CPEB4: variants seen among roughly 807,000 people sequenced by gnomAD.
The protein encoded by CPEB4 is cytoplasmic polyadenylation element-binding protein 4.
CPEB4 carries 12 observed loss-of-function variants against 72.5 expected under a neutral mutation model. That is an observed-to-expected ratio of 0.17 (90% CI 0.11 to 0.27). CPEB4 has a LOEUF of 0.27. Among genes scored for constraint, CPEB4 ranks in the 10% least tolerant of loss-of-function variants. The pLI, the probability that CPEB4 is intolerant of heterozygous loss-of-function variation, is 1.00. For missense variants in CPEB4, 614 were observed against 908.5 expected, an observed-to-expected ratio of 0.68 and a Z score of 4.17; for synonymous variants, 302 against 326.3, an observed-to-expected ratio of 0.93 and a Z score of 0.80.
intron 3 of CPEB4, among the ~76,000 whole-genome samples, chr5:173,935,328 T>C (rs1021892756): frequency 1.3e-5 from 2 of 152,194 alleles, no homozygotes; most frequent in African/African-American, 4.8e-5. Flanking sequence ...ATTCCCTTCA[T>C]GTCTTGTGTC....
intron 2 of CPEB4, among the ~76,000 whole-genome samples, chr5:173,911,194 A>G (rs1756643542): frequency 6.6e-6 from 1 of 152,022 alleles, no homozygotes; most frequent in Non-Finnish European, 1.5e-5. Flanking sequence ...CTTTATAAAG[A>G]CGTAGAATTA....
At chr5:173,929,369 G>A (rs1177111274) in intron 2 of CPEB4, among the ~76,000 whole-genome samples, 2 of 152,176 alleles carry the variant, frequency 1.3e-5, no homozygotes, top group East Asian at 3.8e-4. Context: ...AAACCAGCCT[G>A]TTTAGTAATT....
chr5:173,896,903 A>G (rs1186114210), intron 1 of CPEB4, among the ~76,000 whole-genome samples: 1 of 152,208 alleles, frequency 6.6e-6, no homozygotes, highest in East Asian at 1.9e-4. Context: ...TCTAGAAAAA[A>G]TACAAAACAC....
Position 173,958,565 on chromosome 5 carries a change from T to C in CPEB4, c.*2428T>C, listed in dbSNP as rs770092074. 6 of 152,820 alleles carry C rather than the reference T, an allele frequency of 3.9e-5. No individual in the cohort carries two copies. Among genetic ancestry groups the C allele is most frequent in the Non-Finnish European group, 7.4e-5 (5 of 68,010 alleles). The allele number at this position is 152,820 out of a possible 1,614,324, so 9.5% of individuals were successfully genotyped here. ...TAGAGTCTGCAGAGAAGAGAAAGCA[T>C]GTTGCTTAAACATCCTTCCCCAGCA... On this transcript the variant is annotated 3_prime_UTR_variant, in exon 10 of 10. Transcript: ENST00000265085.
chr5:173,895,070 C>T (rs1755955867), intron 1 of CPEB4, among the ~76,000 whole-genome samples: 1 of 152,106 alleles, frequency 6.6e-6, no homozygotes, highest in Non-Finnish European at 1.5e-5. Flanking sequence ...ATTTCACTTC[C>T]TATGTGGGAT....
At chr5:173,954,022 T>C (rs1032733780) in intron 9 of CPEB4, among the ~76,000 whole-genome samples, 1 of 152,132 alleles carries the variant, frequency 6.6e-6, no homozygotes, top group Admixed American at 6.6e-5. Flanking sequence ...TTTTTTTTCA[T>C]AGAAAGCCTT....
chr5:173,910,705 T>C, intron 2 of CPEB4, 101 bp downstream of exon 2: 1 of 752,098 alleles, frequency 1.3e-6, no homozygotes, highest in Non-Finnish European at 2.3e-6. Flanking sequence ...TGGAGTCACT[T>C]TGTATGCAGT....
intron 2 of CPEB4, among the ~76,000 whole-genome samples, chr5:173,912,062 T>C (rs1229819970): frequency 4.6e-5 from 7 of 152,216 alleles, no homozygotes. Flanking sequence ...TCTGATGTGA[T>C]ACCTTTGAAA....
intron 2 of CPEB4, among the ~76,000 whole-genome samples, chr5:173,926,383 AGCACCTCCT>A (rs1757241398): frequency 2.0e-5 from 3 of 152,178 alleles, no homozygotes; most frequent in African/African-American, 7.2e-5. Context: ...TGTTCTTTTT[AGCACCTCCT>A]GCCCCCACCT....
chr5:173,919,621 A>C (rs1432386105), intron 2 of CPEB4, among the ~76,000 whole-genome samples: 1 of 152,206 alleles, frequency 6.6e-6, no homozygotes, highest in Non-Finnish European at 1.5e-5. Flanking sequence ...TTTGTTGTCT[A>C]TGAAGGTCTT....
At chr5:173,911,257 G>A (rs2113176050) in intron 2 of CPEB4, among the ~76,000 whole-genome samples, 1 of 151,750 alleles carries the variant, frequency 6.6e-6, no homozygotes, top group Admixed American at 6.6e-5. Flanking sequence ...TCCATACATG[G>A]GGTGCGGGCT....
At chr5:173,924,755 A>C (rs1394177594) in intron 2 of CPEB4, among the ~76,000 whole-genome samples, 1 of 152,124 alleles carries the variant, frequency 6.6e-6, no homozygotes, top group Non-Finnish European at 1.5e-5. Context: ...TACCCATTAC[A>C]CTGCATCTTC....
At chr5:173,899,546 A>G (rs1756148291) in intron 1 of CPEB4, among the ~76,000 whole-genome samples, 1 of 152,152 alleles carries the variant, frequency 6.6e-6, no homozygotes, top group East Asian at 1.9e-4. Context: ...TAAGAGATCC[A>G]GTTAAAGCAC....
intron 1 of CPEB4, among the ~76,000 whole-genome samples, chr5:173,901,488 C>T (rs1434306886): frequency 2.0e-5 from 3 of 152,168 alleles, no homozygotes; most frequent in Non-Finnish European, 4.4e-5. Flanking sequence ...TAACTTTAAT[C>T]TCTGATGCTC....
chr5:173,938,700 AC>A (rs1757718883), intron 3 of CPEB4, among the ~76,000 whole-genome samples: 1 of 152,266 alleles, frequency 6.6e-6, no homozygotes, highest in East Asian at 1.9e-4. Flanking sequence ...GTCCACTAAA[AC>A]ATAGTAATAT....
chr5:173,949,916 A>G lies in CPEB4; in HGVS notation c.1547-44A>G, dbSNP rs1171253986. 7 of 1,381,986 alleles carry G rather than the reference A, an allele frequency of 5.1e-6. No homozygotes were observed. The African/African-American group carries it at 8.7e-5, about 17-fold the overall frequency. 85.6% of individuals were successfully genotyped at this position (1,381,986 alleles called of 1,614,324 possible). On this transcript the variant is annotated intron_variant, in intron 6 of 9. Transcript: ENST00000265085. ...ATTCCTTTCCCCTGAAGAATTACCA[A>G]AAAATAGGAAAACATGTAAGCCTTC... is the stretch of plus-strand genomic sequence containing the variant.
intron 4 of CPEB4, among the ~76,000 whole-genome samples, chr5:173,943,709 G>T (rs923140254): frequency 1.3e-5 from 2 of 152,128 alleles, no homozygotes; most frequent in Non-Finnish European, 2.9e-5. Context: ...GATCATTCAT[G>T]AAATAACCTC....
chr5:173,894,183 C>G (rs910003129), intron 1 of CPEB4, among the ~76,000 whole-genome samples: 1 of 152,104 alleles, frequency 6.6e-6, no homozygotes, highest in East Asian at 1.9e-4. Flanking sequence ...TTTGTAGAGA[C>G]AGGGTTTCAC....
At chr5:173,919,080 TCC>T (rs1233349568) in intron 2 of CPEB4, among the ~76,000 whole-genome samples, 1 of 152,174 alleles carries the variant, frequency 6.6e-6, no homozygotes, top group African/African-American at 2.4e-5. Context: ...GTAGTAAAGT[TCC>T]CTTATAATAT....
Sources: gnomAD v4.1 joint callset for allele counts (sites outside exome capture counted in the v4.1 genomes callset) on GRCh38, gnomAD v4.1.1 for gene constraint, MANE v1.5 for transcripts, NCBI Gene and HGNC (gene_info 2026-07-23, HGNC 2026-07-21) for gene names.